ANO2: variants seen among roughly 807,000 people sequenced by gnomAD.
ANO2 encodes anoctamin-2.
Under a neutral mutation model 124.2 loss-of-function variants are expected in ANO2, and 101 were observed. The ratio of observed to expected loss-of-function variants is 0.81; its 90% CI spans 0.69 to 0.96. ANO2 has a LOEUF of 0.96. Among genes scored for constraint, ANO2 ranks in the 40% least tolerant of loss-of-function variants. The pLI, the probability that ANO2 is intolerant of heterozygous loss-of-function variation, is 0.00. For synonymous variants in ANO2, 486 were observed against 482.5 expected (o/e 1.01, Z -0.09); for missense variants, 1,293 against 1,274.5 (o/e 1.01, Z -0.22).
chr12:5,586,872 T>A (rs1943137041), intron 20 of ANO2, among the ~76,000 whole-genome samples: 1 of 152,248 alleles, frequency 6.6e-6, no homozygotes. Context: ...ACTATCCAGA[T>A]AATTGCATAA....
chr12:5,930,557 G>A (rs906718031), intron 1 of ANO2, among the ~76,000 whole-genome samples: 1 of 152,146 alleles, frequency 6.6e-6, no homozygotes, highest in East Asian at 1.9e-4. Flanking sequence ...GGCATGCCCT[G>A]GTAGAAGCCT....
Position 5,847,197 on chromosome 12 carries a change from G to A in ANO2, c.633+6846C>T, listed in dbSNP as rs145388300. On this transcript the variant is annotated intron_variant, in intron 4 of 24. Transcript: ENST00000682330. Reference sequence around the variant, plus strand: ...AAAGGCTGACCTTCCCACAGGTAAGGGGAAACTCTTTCTGCCTGACTGCAT... The same window carrying A: ...AAAGGCTGACCTTCCCACAGGTAAGAGGAAACTCTTTCTGCCTGACTGCAT... 2.2e-3 allele frequency among the ~76,000 whole-genome samples: 330 copies of A among 152,296 alleles called. 3 individuals are homozygous for A. The highest frequency in any genetic ancestry group is 7.7e-3 in the African/African-American group (322 of 41,568).
chr12:5,757,926 A>G (rs1404658429), intron 10 of ANO2, among the ~76,000 whole-genome samples: 2 of 152,334 alleles, frequency 1.3e-5, no homozygotes, highest in South Asian at 2.1e-4. Context: ...AGCTTCAAAC[A>G]CAAGAGCAGT....
At chr12:5,623,628 A>G (rs982729511) in intron 16 of ANO2, among the ~76,000 whole-genome samples, 12 of 152,158 alleles carry the variant, frequency 7.9e-5, no homozygotes, top group African/African-American at 2.7e-4. Context: ...TCTTAATCCT[A>G]TGGAAACAGC....
intron 19 of ANO2, among the ~76,000 whole-genome samples, chr12:5,609,778 T>C (rs1021563618): frequency 3.3e-4 from 50 of 151,730 alleles, no homozygotes; most frequent in African/African-American, 1.2e-3. Flanking sequence ...AACTGCCAGC[T>C]CATTGGGCCT....
At chr12:5,933,789 C>A (rs1319691281) in intron 1 of ANO2, among the ~76,000 whole-genome samples, 1 of 152,130 alleles carries the variant, frequency 6.6e-6, no homozygotes, top group Non-Finnish European at 1.5e-5. Context: ...TCTGCCTAGG[C>A]TGTTACTTCT....
chr12:5,701,422 G>A (rs1949401885), intron 14 of ANO2, among the ~76,000 whole-genome samples: 1 of 151,654 alleles, frequency 6.6e-6, no homozygotes, highest in Admixed American at 6.6e-5. Context: ...CATTTCCTTG[G>A]TTTTCCCTTA....
At chr12:5,647,675 A>G in intron 15 of ANO2, 52 bp downstream of exon 15, 1 of 1,343,554 alleles carries the variant, frequency 7.4e-7, no homozygotes, top group Non-Finnish European at 1.1e-6. Context: ...TAGTCACATA[A>G]CAGCATCTAC....
At chr12:5,688,170 C>T (rs1187413310) in intron 14 of ANO2, among the ~76,000 whole-genome samples, 1 of 152,088 alleles carries the variant, frequency 6.6e-6, no homozygotes, top group Non-Finnish European at 1.5e-5. Context: ...GAAAATATGC[C>T]AAAACCGTAC....
At chr12:5,910,654 C>T (rs1282453313) in intron 3 of ANO2, among the ~76,000 whole-genome samples, 1 of 152,118 alleles carries the variant, frequency 6.6e-6, no homozygotes, top group Non-Finnish European at 1.5e-5. Context: ...CCACAAAACC[C>T]TCAAGATTCA....
chr12:5,805,939 T>C (rs1953176642), intron 9 of ANO2, 113 bp downstream of exon 9: 15 of 1,063,246 alleles, frequency 1.4e-5, no homozygotes, highest in Non-Finnish European at 1.9e-5. Context: ...GGTAAAATTG[T>C]TGGAAAGTAG....
intron 4 of ANO2, among the ~76,000 whole-genome samples, chr12:5,838,914 A>G (rs547489193): frequency 2.0e-5 from 3 of 152,356 alleles, no homozygotes; most frequent in Admixed American, 6.5e-5. Flanking sequence ...GCTTTGAGCA[A>G]GTCATACCCT....
chr12:5,841,460 A>C (rs1954512088), intron 4 of ANO2, among the ~76,000 whole-genome samples: 1 of 152,222 alleles, frequency 6.6e-6, no homozygotes, highest in Non-Finnish European at 1.5e-5. Context: ...TGTTGTCAGT[A>C]GGTCCTCTAC....
chr12:5,750,634 C>T (rs986967509), intron 11 of ANO2, among the ~76,000 whole-genome samples: 9 of 152,236 alleles, frequency 5.9e-5, no homozygotes, highest in Admixed American at 6.5e-5. Flanking sequence ...AAGTAGGCCT[C>T]GCCTAGCATG....
chr12:5,751,757 TAGC>T (rs999062429), intron 10 of ANO2, among the ~76,000 whole-genome samples: 1 of 152,240 alleles, frequency 6.6e-6, no homozygotes, highest in Non-Finnish European at 1.5e-5. Context: ...TCTACCCTGT[TAGC>T]AGATTTTTAA....
chr12:5,708,306 A>G (rs895605864), intron 14 of ANO2, among the ~76,000 whole-genome samples: 10 of 152,200 alleles, frequency 6.6e-5, no homozygotes, highest in Admixed American at 3.9e-4. Flanking sequence ...ACATTTTACA[A>G]TGCAAATCTG....
At chr12:5,806,804 T>A (rs1284022212) in intron 8 of ANO2, among the ~76,000 whole-genome samples, 8 of 152,210 alleles carry the variant, frequency 5.3e-5, no homozygotes, top group South Asian at 2.1e-4. Context: ...AAATTTTTTT[T>A]AAAATAATGA....
At chr12:5,880,980 C>G (rs1303734393) in intron 3 of ANO2, among the ~76,000 whole-genome samples, 1 of 151,804 alleles carries the variant, frequency 6.6e-6, no homozygotes, top group East Asian at 1.9e-4. Flanking sequence ...ATATTGGCTA[C>G]CCCAAAATGA....
intron 17 of ANO2, 102 bp from the exon 18 acceptor site, chr12:5,613,060 G>A (rs1944625427): frequency 1.2e-5 from 14 of 1,163,400 alleles, no homozygotes; most frequent in Admixed American, 1.7e-5. Flanking sequence ...TGTCCTCTTC[G>A]AAAGCACTGG....
Sources: gnomAD v4.1 joint callset for allele counts (sites outside exome capture counted in the v4.1 genomes callset) on GRCh38, gnomAD v4.1.1 for gene constraint, MANE v1.5 for transcripts, NCBI Gene and HGNC (gene_info 2026-07-23, HGNC 2026-07-21) for gene names.